GRIA2: variants seen among roughly 807,000 people sequenced by gnomAD.
The protein encoded by GRIA2 is glutamate ionotropic receptor AMPA type subunit 2, also known as glutamate receptor 2.
GRIA2 carries 14 observed loss-of-function variants against 97.3 expected under a neutral mutation model. The observed-to-expected ratio is 0.14, with a 90% confidence interval of 0.10 to 0.23. The LOEUF is 0.23. Ranked by LOEUF, GRIA2 falls within the 10% of genes least tolerant of loss-of-function variation. The pLI is 1.00. For missense variants in GRIA2, 558 were observed against 1,069.8 expected (o/e 0.52, Z 6.67); for synonymous variants, 412 against 387.8 (o/e 1.06, Z -0.73).
intron 2 of GRIA2, among the ~76,000 whole-genome samples, chr4:157,266,458 G>A (rs149703821): frequency 5.3e-4 from 81 of 152,088 alleles, no homozygotes; most frequent in Middle Eastern, 6.8e-3. Context: ...GTGTGGTGTC[G>A]TGGAAGGCAA....
chr4:157,299,632 A>G (rs1300118832), intron 2 of GRIA2, among the ~76,000 whole-genome samples: 3 of 152,148 alleles, frequency 2.0e-5, no homozygotes, highest in Non-Finnish European at 4.4e-5. Flanking sequence ...GATGTGTTGG[A>G]TGCACCATCA....
chr4:157,236,701 A>C (rs1210874845), intron 2 of GRIA2, among the ~76,000 whole-genome samples: 1 of 152,084 alleles, frequency 6.6e-6, no homozygotes, highest in Non-Finnish European at 1.5e-5. Flanking sequence ...CACAAGGTTA[A>C]ATTTTTTAAA....
At chr4:157,319,933 T>C (rs546079187) in intron 5 of GRIA2, among the ~76,000 whole-genome samples, 36 of 152,204 alleles carry the variant, frequency 2.4e-4, no homozygotes, top group African/African-American at 8.4e-4. Flanking sequence ...TTACTACCCT[T>C]ATAGATTTAA....
At chr4:157,263,957 T>C (rs775076102) in intron 2 of GRIA2, among the ~76,000 whole-genome samples, 33 of 152,096 alleles carry the variant, frequency 2.2e-4, no homozygotes, top group Admixed American at 2.2e-3. Flanking sequence ...ACTTTACTCT[T>C]AGTTATAAAA....
chr4:157,285,335 A>G (rs1732788854), intron 2 of GRIA2, among the ~76,000 whole-genome samples: 1 of 151,536 alleles, frequency 6.6e-6, no homozygotes, highest in Non-Finnish European at 1.5e-5. Context: ...GGATACAGAT[A>G]TCTCGATTAA....
At chr4:157,273,010 C>G (rs1246446584) in intron 2 of GRIA2, among the ~76,000 whole-genome samples, 3 of 151,878 alleles carry the variant, frequency 2.0e-5, no homozygotes, top group Non-Finnish European at 4.4e-5. Context: ...ATGGATTCAA[C>G]CAACTACAGA....
chr4:157,290,353 G>C (rs1733038324), intron 2 of GRIA2, among the ~76,000 whole-genome samples: 1 of 151,820 alleles, frequency 6.6e-6, no homozygotes, highest in South Asian at 2.1e-4. Flanking sequence ...AATATGTTTT[G>C]AGAGCATGAG....
At chr4:157,326,590 C>T (rs1734812424) in intron 6 of GRIA2, among the ~76,000 whole-genome samples, 1 of 151,898 alleles carries the variant, frequency 6.6e-6, no homozygotes, top group Non-Finnish European at 1.5e-5. Flanking sequence ...TCAATGGGAG[C>T]AATATGGAAT....
intron 2 of GRIA2, among the ~76,000 whole-genome samples, chr4:157,258,878 A>G (rs1311255172): frequency 2.0e-5 from 3 of 152,176 alleles, no homozygotes; most frequent in African/African-American, 4.8e-5. Context: ...GATAAGTTCC[A>G]ATGGTTATAA....
intron 2 of GRIA2, among the ~76,000 whole-genome samples, chr4:157,244,012 T>C (rs1730621847): frequency 6.6e-6 from 1 of 152,004 alleles, no homozygotes; most frequent in Non-Finnish European, 1.5e-5. Flanking sequence ...GAGGAACTAG[T>C]TGAAGACAAT....
At chr4:157,257,002 G>C (rs781517200) in intron 2 of GRIA2, among the ~76,000 whole-genome samples, 17 of 151,924 alleles carry the variant, frequency 1.1e-4, no homozygotes, top group Non-Finnish European at 2.2e-4. Context: ...TTTTGTAGTA[G>C]AGTTTTTAAA....
At chr4:157,295,429 G>A (rs956443744) in intron 2 of GRIA2, among the ~76,000 whole-genome samples, 2 of 152,064 alleles carry the variant, frequency 1.3e-5, no homozygotes, top group African/African-American at 4.8e-5. Flanking sequence ...AATGTCATTG[G>A]GGTGTATGTT....
intron 2 of GRIA2, among the ~76,000 whole-genome samples, chr4:157,225,328 T>C (rs1729694410): frequency 6.6e-6 from 1 of 152,008 alleles, no homozygotes; most frequent in Non-Finnish European, 1.5e-5. Context: ...TTTTTCTCCA[T>C]CATTCCCTTT....
At chr4:157,273,226 G>A (rs796749941) in intron 2 of GRIA2, among the ~76,000 whole-genome samples, 1 of 152,052 alleles carries the variant, frequency 6.6e-6, no homozygotes, top group African/African-American at 2.4e-5. Context: ...ATGCACTAGA[G>A]CATCCACATA....
rs1453972166 is a variant in GRIA2, at chr4:157,332,958, G to A, written c.1022G>A (p.Gly341Asp). 1 of 1,610,230 alleles carries A rather than the reference G, an allele frequency of 6.2e-7. No homozygotes were observed. The highest frequency in any genetic ancestry group is 1.1e-5 in the South Asian group (1 of 90,680). ...LANPAVPWGQ[G>D]VEIERALKQV... ...AACCCAGCAGTGCCCTGGGGACAAG[G>A]TGTAGAAATAGAAAGGGCCCTCAAA... Residue 341 changes from glycine to aspartate, a missense_variant, in exon 7 of 16, where the codon GGT becomes GAT. Coordinates refer to ENST00000264426, the MANE Select transcript of GRIA2 (RefSeq NM_001083619.3).
intron 11 of GRIA2, 89 bp from the exon 12 acceptor site, chr4:157,341,175 A>G (rs1468299231): frequency 2.2e-5 from 18 of 824,934 alleles, no homozygotes; most frequent in Middle Eastern, 2.5e-4. Context: ...ATATTCCCCT[A>G]TAAGTCAATA....
At chr4:157,280,717 T>C (rs1732555025) in intron 2 of GRIA2, among the ~76,000 whole-genome samples, 1 of 151,978 alleles carries the variant, frequency 6.6e-6, no homozygotes, top group Non-Finnish European at 1.5e-5. Flanking sequence ...GAAGCCCCAG[T>C]GCACAAGTGC....
At chr4:157,330,630 G>A (rs1275511263) in intron 6 of GRIA2, among the ~76,000 whole-genome samples, 1 of 151,734 alleles carries the variant, frequency 6.6e-6, no homozygotes, top group Admixed American at 6.6e-5. Flanking sequence ...ATGACTATTG[G>A]ACATAACAAA....
chr4:157,267,192 G>C (rs1367713178), intron 2 of GRIA2, among the ~76,000 whole-genome samples: 2 of 152,012 alleles, frequency 1.3e-5, no homozygotes, highest in African/African-American at 4.8e-5. Context: ...TTGGGAGGCT[G>C]AGGCAGGCGG....
Sources: gnomAD v4.1 joint callset for allele counts (sites outside exome capture counted in the v4.1 genomes callset) on GRCh38, gnomAD v4.1.1 for gene constraint, MANE v1.5 for transcripts, NCBI Gene and HGNC (gene_info 2026-07-23, HGNC 2026-07-21) for gene names.